IQGAP2: variants seen among roughly 807,000 people sequenced by gnomAD.
The protein encoded by IQGAP2 is IQ motif containing GTPase activating protein 2.
A neutral mutation model predicts 201.3 loss-of-function variants in IQGAP2; 173 were observed. The observed-to-expected ratio is 0.86, with a 90% CI of 0.76 to 0.98. IQGAP2 has a LOEUF of 0.98. IQGAP2 is among the 50% of genes least tolerant of loss of function. The pLI is 0.00. For missense variants in IQGAP2, 1,687 were observed against 1,864.8 expected (o/e 0.90, Z 1.76); for synonymous variants, 675 against 673.9 (o/e 1.00, Z -0.03).
intron 1 of IQGAP2, among the ~76,000 whole-genome samples, chr5:76,412,432 C>T (rs1751177180): frequency 6.6e-6 from 1 of 152,112 alleles, no homozygotes; most frequent in African/African-American, 2.4e-5. Context: ...TCCTGTGTAG[C>T]TGGGACTACA....
At chr5:76,669,380 G>A (rs1244440542) in intron 23 of IQGAP2, among the ~76,000 whole-genome samples, 2 of 152,304 alleles carry the variant, frequency 1.3e-5, no homozygotes, top group African/African-American at 4.8e-5. Context: ...TTGGTTTTGG[G>A]AGCACGGGAG....
intron 2 of IQGAP2, among the ~76,000 whole-genome samples, chr5:76,528,799 G>T (rs1759120380): frequency 6.6e-6 from 1 of 152,130 alleles, no homozygotes; most frequent in South Asian, 2.1e-4. Flanking sequence ...ACCTTGCAAA[G>T]TTCTTGCTTT....
At chr5:76,444,208 A>C (rs937131348) in intron 1 of IQGAP2, among the ~76,000 whole-genome samples, 1 of 152,232 alleles carries the variant, frequency 6.6e-6, no homozygotes, top group African/African-American at 2.4e-5. Context: ...CAACATAGTG[A>C]GACCCTGTCT....
At chr5:76,672,626 G>T (rs1036939415) in intron 24 of IQGAP2, among the ~76,000 whole-genome samples, 1 of 152,090 alleles carries the variant, frequency 6.6e-6, no homozygotes, top group African/African-American at 2.4e-5. Flanking sequence ...AATGTTCAGG[G>T]TATATATTCC....
At position 76,707,583 on chromosome 5, in the gene IQGAP2, C is replaced by A; in HGVS notation, c.*270C>A. On this transcript the variant is annotated 3_prime_UTR_variant, in exon 36 of 36. Coordinates refer to ENST00000274364, the MANE Select transcript of IQGAP2 (RefSeq NM_006633.5). The stretch of plus-strand genomic sequence containing the variant: ...TTTAAAACTTTGGACATCCTGTGAT[C>A]TGTTTTAAAGTTGGGGGGTGGGAAA... 3.4e-6 allele frequency: 1 copy of A among 295,814 alleles called. No individual in the cohort carries two copies. The highest frequency in any genetic ancestry group is 6.2e-6 in the Non-Finnish European group (1 of 160,934). The allele number at this position is 295,814 out of a possible 1,614,324, so 18.3% of individuals were successfully genotyped here.
intron 1 of IQGAP2, among the ~76,000 whole-genome samples, chr5:76,420,882 C>T (rs1751696249): frequency 6.6e-6 from 1 of 152,194 alleles, no homozygotes; most frequent in Non-Finnish European, 1.5e-5. Flanking sequence ...CAGGGTTCAA[C>T]CATGTCATAG....
At chr5:76,507,476 G>A in intron 2 of IQGAP2, among the ~76,000 whole-genome samples, 1 of 152,200 alleles carries the variant, frequency 6.6e-6, no homozygotes, top group South Asian at 2.1e-4. Flanking sequence ...ATGACTGTAG[G>A]TTTGGCATTG....
chr5:76,652,738 TCTTTTC>T lies in IQGAP2; in HGVS notation c.2095-8_2095-3del. The T allele has an allele frequency of 6.3e-7, 1 of 1,588,098 alleles. No individual in the cohort carries two copies. The highest frequency in any genetic ancestry group is 8.6e-7 in the Non-Finnish European group (1 of 1,156,264). On this transcript the variant is annotated splice_region_variant and splice_polypyrimidine_tract_variant and intron_variant, in intron 17 of 35. Coordinates refer to ENST00000274364, the MANE Select transcript of IQGAP2 (RefSeq NM_006633.5). ...GCTGGTAAATAATTCTATAACCCACTCTTTTCCTTAGGCTTTTTGGAAAGGATATAA... is the reference window on the plus strand; with the variant it reads ...GCTGGTAAATAATTCTATAACCCACTCTTAGGCTTTTTGGAAAGGATATAA...
At chr5:76,499,985 G>A (rs948157661) in intron 2 of IQGAP2, among the ~76,000 whole-genome samples, 2 of 152,104 alleles carry the variant, frequency 1.3e-5, no homozygotes, top group Non-Finnish European at 2.9e-5. Context: ...GCATGCACTT[G>A]TAGTCCCAGC....
chr5:76,440,411 T>G (rs1281596029), intron 1 of IQGAP2, among the ~76,000 whole-genome samples: 1 of 152,074 alleles, frequency 6.6e-6, no homozygotes, highest in African/African-American at 2.4e-5. Context: ...AAGTAAAATT[T>G]TAAAAATACA....
intron 11 of IQGAP2, among the ~76,000 whole-genome samples, chr5:76,602,065 G>GC (rs950832506): frequency 1.3e-5 from 2 of 152,102 alleles, no homozygotes; most frequent in Non-Finnish European, 2.9e-5. Context: ...CCTCAGCCGG[G>GC]CACCCTCGTG....
intron 2 of IQGAP2, among the ~76,000 whole-genome samples, chr5:76,522,792 C>G (rs1306785411): frequency 6.6e-6 from 1 of 152,162 alleles, no homozygotes; most frequent in Non-Finnish European, 1.5e-5. Flanking sequence ...GCCTTGGACA[C>G]TCAATACAAG....
rs1009153835 is a variant in IQGAP2 at position 76,600,705 on chromosome 5, A to G, written c.1072-107A>G. The G allele has an allele frequency of 4.0e-5, 54 of 1,340,008 alleles. No homozygotes were observed. In the African/African-American group the frequency reaches 6.3e-4, roughly 16 times the overall value. 83.0% of individuals were successfully genotyped at this position (1,340,008 alleles called of 1,614,324 possible). On this transcript the variant is annotated intron_variant, in intron 10 of 35. Transcript: ENST00000274364. Reference sequence around the variant, plus strand: ...CGACTCCTCTTTCTGCTGAGCTATCAAGTTCTTTGACTTTTTGTTGTTTGT... The same window carrying G: ...CGACTCCTCTTTCTGCTGAGCTATCGAGTTCTTTGACTTTTTGTTGTTTGT...
intron 2 of IQGAP2, among the ~76,000 whole-genome samples, chr5:76,543,473 A>G (rs1047124030): frequency 6.6e-6 from 1 of 152,248 alleles, no homozygotes; most frequent in Non-Finnish European, 1.5e-5. Context: ...ACTCTCAGGC[A>G]TCACGGCCCT....
chr5:76,560,181 C>CT (rs990208811), intron 2 of IQGAP2, among the ~76,000 whole-genome samples: 4 of 152,150 alleles, frequency 2.6e-5, no homozygotes, highest in African/African-American at 9.7e-5. Flanking sequence ...GAGACAGAGT[C>CT]TTGCACTGTT....
At chr5:76,479,663 G>C (rs1044643936) in intron 2 of IQGAP2, among the ~76,000 whole-genome samples, 1 of 152,072 alleles carries the variant, frequency 6.6e-6, no homozygotes, top group Non-Finnish European at 1.5e-5. Context: ...GATTTTAAAG[G>C]ACCTCTGTGC....
At chr5:76,413,615 C>T (rs904243781) in intron 1 of IQGAP2, among the ~76,000 whole-genome samples, 2 of 122,264 alleles carry the variant, frequency 1.6e-5, no homozygotes, top group African/African-American at 2.6e-5. Flanking sequence ...CAGATATAGC[C>T]GAGGTGGGGA....
At chr5:76,662,039 A>G (rs574592109) in intron 21 of IQGAP2, among the ~76,000 whole-genome samples, 87 of 152,314 alleles carry the variant, frequency 5.7e-4, no homozygotes, top group African/African-American at 2.0e-3. Context: ...GTGAGTTTTG[A>G]TGAATAAAAA....
At chr5:76,516,930 T>C (rs1226864589) in intron 2 of IQGAP2, among the ~76,000 whole-genome samples, 1 of 152,196 alleles carries the variant, frequency 6.6e-6, no homozygotes, top group Non-Finnish European at 1.5e-5. Flanking sequence ...GACACTCCAT[T>C]TGTAAGTACT....
Sources: allele counts gnomAD v4.1 joint callset (sites outside exome capture counted in the v4.1 genomes callset), GRCh38; gene constraint gnomAD v4.1.1; transcripts MANE v1.5; gene names NCBI Gene and HGNC (gene_info 2026-07-23, HGNC 2026-07-21).